The following SVEP1 variants were observed in gnomAD, a reference collection of about 807,000 sequenced individuals.
SVEP1 encodes the protein sushi, von Willebrand factor type A, EGF and pentraxin domain-containing protein 1.
Under a neutral mutation model 367.3 loss-of-function variants are expected in SVEP1, and 164 were observed. That is an observed-to-expected ratio of 0.45 (90% CI 0.39 to 0.51). The LOEUF (loss-of-function observed/expected upper bound fraction) is 0.51, where lower values mean the gene tolerates loss of function less well. Among genes scored for constraint, SVEP1 ranks in the 20% least tolerant of loss-of-function variants. SVEP1 has a pLI of 0.00. For missense variants in SVEP1, 4,117 were observed against 4,425.3 expected (o/e 0.93, Z 1.98); for synonymous variants, 1,666 against 1,611.6 (o/e 1.03, Z -0.81).
intron 3 of SVEP1, among the ~76,000 whole-genome samples, chr9:110,521,673 T>C (rs569289214): frequency 2.0e-5 from 3 of 152,364 alleles, no homozygotes; most frequent in Admixed American, 1.3e-4. Context: ...GAAAGCTCTG[T>C]ATTCTTTATT....
intron 18 of SVEP1, among the ~76,000 whole-genome samples, chr9:110,460,219 C>T (rs1477014492): frequency 6.6e-6 from 1 of 151,980 alleles, no homozygotes; most frequent in African/African-American, 2.4e-5. Flanking sequence ...TTGGAATATG[C>T]TTTAATTAAT....
At chr9:110,416,336 T>C (rs755697315) in intron 36 of SVEP1, among the ~76,000 whole-genome samples, 4 of 151,750 alleles carry the variant, frequency 2.6e-5, no homozygotes, top group Non-Finnish European at 5.9e-5. Context: ...GAAAAATAAA[T>C]AGAAATTCTG....
In SVEP1 at chr9:110,427,775, T is replaced by C. The variant is rs369460585; in HGVS notation, c.5808-17A>G. ...CCCTGTAAGCTGCGGGAAAGAATGA[T>C]GTTACTCTTTCATTGGCTATGGATT... On this transcript the variant is annotated splice_polypyrimidine_tract_variant and intron_variant, in intron 35 of 47. Coordinates refer to ENST00000374469, the MANE Select transcript of SVEP1 (RefSeq NM_153366.4). 1.3e-5 allele frequency: 21 copies of C among 1,601,916 alleles called. No individual in the cohort carries two copies. Among genetic ancestry groups the C allele is most frequent in the African/African-American group, 2.7e-5 (2 of 74,462 alleles).
At position 110,408,833 on chromosome 9, in the gene SVEP1, G is replaced by T. The variant is rs747271140; in HGVS notation, c.6767C>A (p.Pro2256His). The T allele has an allele frequency of 1.2e-6, 2 of 1,613,394 alleles. No individual in the cohort carries two copies. The highest frequency in any genetic ancestry group is 1.7e-6 in the Non-Finnish European group (2 of 1,179,880). Reference protein sequence around the residue: ...QANRHWHSESPLMCVPLDCGK... With the variant: ...QANRHWHSESHLMCVPLDCGK... The stretch of plus-strand genomic sequence containing the variant: ...ACAGTCGAGAGGAACACACATCAGA[G>T]GGGATTCACTGTGCCAGTGGCGATT... The change falls in exon 38 of 48, where the codon CCT becomes CAT. Residue 2256 changes from proline to histidine, a missense_variant. Physicochemically the swap from Pro to His is moderately conservative, Grantham distance 77 (BLOSUM62 -2). Coordinates refer to ENST00000374469, the MANE Select transcript of SVEP1 (RefSeq NM_153366.4).
chr9:110,541,816 GATA>G (rs1830150611), intron 3 of SVEP1, among the ~76,000 whole-genome samples: 1 of 131,196 alleles, frequency 7.6e-6, no homozygotes, highest in Admixed American at 7.7e-5. Flanking sequence ...TATATACATA[GATA>G]TCTATATATA....
rs372821116 is a variant in SVEP1, at chr9:110,472,194, G to T, written c.2729C>A (p.Ser910Tyr). The T allele has an allele frequency of 2.5e-6, 4 of 1,612,926 alleles. No individual in the cohort carries two copies. Among genetic ancestry groups the T allele is most frequent in the Non-Finnish European group, 3.4e-6 (4 of 1,179,670 alleles). Residue 910 changes from serine to tyrosine, a missense_variant, in exon 15 of 48, where the codon TCT (serine) becomes TAT (tyrosine). Coordinates refer to ENST00000374469, the MANE Select transcript of SVEP1 (RefSeq NM_153366.4). ...SSRIKRSAPL[S>Y]DYKIKLIFNI... Reference sequence around the variant, plus strand: ...AAAAATTAACTTAATTTTATAGTCAGATAATGGGGCACTTCTTTTAATCCG... The same window carrying T: ...AAAAATTAACTTAATTTTATAGTCATATAATGGGGCACTTCTTTTAATCCG...
intron 39 of SVEP1, among the ~76,000 whole-genome samples, chr9:110,402,708 T>G (rs1343312616): frequency 1.3e-5 from 2 of 152,140 alleles, no homozygotes; most frequent in Non-Finnish European, 2.9e-5. Flanking sequence ...TTCCCTTAAT[T>G]ATGGCAGAAC....
At chr9:110,424,146 G>A (rs1042167824) in intron 36 of SVEP1, among the ~76,000 whole-genome samples, 3 of 152,160 alleles carry the variant, frequency 2.0e-5, no homozygotes, top group Non-Finnish European at 4.4e-5. Flanking sequence ...CCAACTCTTC[G>A]TGTCTAGGTC....
At chr9:110,384,018 A>G in intron 43 of SVEP1, among the ~76,000 whole-genome samples, 1 of 152,084 alleles carries the variant, frequency 6.6e-6, no homozygotes, top group Non-Finnish European at 1.5e-5. Flanking sequence ...TTCCCCCAGA[A>G]GCTCAGTCAT....
chr9:110,399,852 C>T (rs567610759), intron 40 of SVEP1, among the ~76,000 whole-genome samples: 10 of 152,106 alleles, frequency 6.6e-5, no homozygotes, highest in Admixed American at 1.3e-4. Flanking sequence ...CCTTTAAATA[C>T]CATTGTAACA....
At chr9:110,390,325 T>G (rs375135594) in intron 40 of SVEP1, among the ~76,000 whole-genome samples, 15,608 of 56,366 alleles carry the variant, frequency 0.28, 3,064 homozygotes, top group East Asian at 0.45. Flanking sequence ...GTATATATAC[T>G]TATATATACA....
At chr9:110,498,119 T>C (rs979488834) in intron 7 of SVEP1, among the ~76,000 whole-genome samples, 2 of 152,238 alleles carry the variant, frequency 1.3e-5, no homozygotes, top group African/African-American at 4.8e-5. Flanking sequence ...ATGAAATAGG[T>C]AACGTGAGTC....
chr9:110,367,490 C>T (rs886350702), intron 47 of SVEP1, among the ~76,000 whole-genome samples: 1 of 152,152 alleles, frequency 6.6e-6, no homozygotes, highest in Non-Finnish European at 1.5e-5. Context: ...TTAAGGCATT[C>T]AGTCTCGTAG....
rs183162850 is a variant in SVEP1, at chr9:110,499,527, A to G, written c.1484-289T>C. 3.4e-3 allele frequency among the ~76,000 whole-genome samples: 511 copies of G among 152,302 alleles called. 2 individuals carry two copies. The highest frequency in any genetic ancestry group is 0.012 in the African/African-American group (480 of 41,564). ...TTTATCATTTGCTTGGAGCACATTC[A>G]TTTAGTTAGCAGAATATTATTTTAT... is the stretch of plus-strand genomic sequence containing the variant. On this transcript the variant is annotated intron_variant, in intron 6 of 47. Coordinates refer to ENST00000374469, the MANE Select transcript of SVEP1 (RefSeq NM_153366.4).
chr9:110,397,991 A>G (rs7040963), intron 40 of SVEP1, among the ~76,000 whole-genome samples: 8,145 of 120,150 alleles, frequency 0.068, 386 homozygotes, highest in Middle Eastern at 0.12. Flanking sequence ...GGAAAAAACT[A>G]CTTTAAAGTT....
Position 110,407,125 on chromosome 9 carries a change from C to T in SVEP1, c.8475G>A (p.Glu2825=). 1 of 1,614,048 alleles carries T rather than the reference C, an allele frequency of 6.2e-7. No individual in the cohort carries two copies. Among genetic ancestry groups the T allele is most frequent in the Non-Finnish European group, 8.5e-7 (1 of 1,179,898 alleles). The change falls in exon 38 of 48, where the codon GAG becomes GAA. Residue 2825 remains glutamate (E), a synonymous_variant. Transcript: ENST00000374469. The part of the protein sequence containing the change: ...CQDDKNWDED[E]PICIPVDCSS... ...TGCAGTCCACAGGAATGCAAATGGG[C>T]TCATCCTCATCCCAGTTTTTGTCAT...
intron 3 of SVEP1, among the ~76,000 whole-genome samples, chr9:110,525,265 C>T (rs75189789): frequency 0.021 from 3,214 of 152,150 alleles, 124 homozygotes; most frequent in African/African-American, 0.074. Flanking sequence ...AGCAAAGTTG[C>T]AGGACACAAT....
chr9:110,408,993 C>A (rs1828002896), intron 37 of SVEP1, 42 bp from the exon 38 acceptor site: 2 of 1,514,838 alleles, frequency 1.3e-6, no homozygotes, highest in Non-Finnish European at 1.8e-6. Flanking sequence ...ATTTGTATAA[C>A]AGATGATAGC....
intron 3 of SVEP1, 44 bp from the exon 4 acceptor site, chr9:110,514,150 C>A: frequency 6.3e-7 from 1 of 1,586,360 alleles, no homozygotes; most frequent in Middle Eastern, 1.7e-4. Context: ...TGTGGCACAT[C>A]AGCTGGTAGT....
Sources: allele counts gnomAD v4.1 joint callset (sites outside exome capture counted in the v4.1 genomes callset), GRCh38; gene constraint gnomAD v4.1.1; transcripts MANE v1.5; gene names NCBI Gene and HGNC (gene_info 2026-07-23, HGNC 2026-07-21).